The following ATP13A2 variants were observed in gnomAD, a reference collection of about 807,000 sequenced individuals.
ATP13A2 encodes the protein polyamine-transporting ATPase 13A2.
A neutral mutation model predicts 138.3 loss-of-function variants in ATP13A2; 83 were observed. The ratio of observed to expected loss-of-function variants is 0.60; its 90% confidence interval spans 0.50 to 0.72. The LOEUF (loss-of-function observed/expected upper bound fraction) is 0.72, where lower values mean the gene tolerates loss of function less well. ATP13A2 is among the 30% of genes least tolerant of loss of function. The pLI, the probability that ATP13A2 is intolerant of heterozygous loss-of-function variation, is 0.00. For synonymous variants in ATP13A2, 663 were observed against 699.0 expected (o/e 0.95, Z 0.81); for missense variants, 1,402 against 1,606.4 (o/e 0.87, Z 2.17).
In ATP13A2 at chr1:16,996,295, G is replaced by A; in HGVS notation, c.1312C>T (p.Leu438Phe). 1 of 1,614,230 alleles carries A rather than the reference G, an allele frequency of 6.2e-7. No homozygotes were observed. The highest frequency in any genetic ancestry group is 1.1e-5 in the South Asian group (1 of 91,090). Residue 438 changes from leucine to phenylalanine, a missense_variant, in exon 14 of 29, where the codon CTC becomes TTC. Coordinates refer to ENST00000326735, the MANE Select transcript of ATP13A2 (RefSeq NM_022089.4). ...ATGAAGATGCTGTAGATGGTGCCGA[G>A]GAGAGCTGTGGGGACAGCGAAGGAC... is the stretch of plus-strand genomic sequence containing the variant. ...FVAALSVLAL[L>F]GTIYSIFILY...
Position 16,995,866 on chromosome 1 carries a change from G to C in ATP13A2, c.1542+110C>G. The stretch of plus-strand genomic sequence containing the variant: ...CTCTGGGGGTTTCCATCCCTAGACA[G>C]GACCTGGCATCCTGTGGGTGCTGCT... On this transcript the variant is annotated intron_variant, in intron 15 of 28. Transcript: ENST00000326735. The surrounding 1 kb of genome is among the most constrained non-coding windows in gnomAD (Gnocchi z 4.1). The C allele has an allele frequency of 2.2e-6, 3 of 1,364,636 alleles. No homozygotes were observed. Among genetic ancestry groups the C allele is most frequent in the Non-Finnish European group, 3.1e-6 (3 of 981,950 alleles). The allele number at this position is 1,364,636 out of a possible 1,614,324, so 84.5% of individuals were successfully genotyped here. A position where few individuals can be genotyped will look rare whatever the true frequency, so the allele number is the denominator to read the frequency against.
In ATP13A2 at chr1:16,986,021, G is replaced by A. The variant is rs2076702395; in HGVS notation, c.*200C>T. On this transcript the variant is annotated 3_prime_UTR_variant, in exon 29 of 29. Transcript: ENST00000326735. The surrounding 1 kb of genome is among the most constrained non-coding windows in gnomAD (Gnocchi z 6.9). ...GCAGCACTGAGGGGAGCTGGGGGCT[G>A]CCACCCCTACGCGGGATGGTCCAAG... is the stretch of plus-strand genomic sequence containing the variant. 3 of 1,459,454 alleles carry A rather than the reference G, an allele frequency of 2.1e-6. No individual in the cohort carries two copies. The highest frequency in any genetic ancestry group is 2.7e-6 in the Non-Finnish European group (3 of 1,104,180). The allele number at this position is 1,459,454 out of a possible 1,614,324, so 90.4% of individuals were successfully genotyped here. A position where few individuals can be genotyped will look rare whatever the true frequency, so the allele number is the denominator to read the frequency against.
Position 16,990,158 on chromosome 1 carries a change from A to G in ATP13A2, c.2381T>C (p.Met794Thr), listed in dbSNP as rs151222153. ...GCCATTCACGGCTGTGGGGGACTCC[A>G]TCGGCAGGAACTCGAGAGAGGCAGG... ...GQPASLEFLP[M>T]ESPTAVNGVK... The change falls in exon 21 of 29, where the codon ATG becomes ACG. Residue 794 changes from methionine to threonine, a missense_variant. Met to Thr is a moderately conservative substitution (Grantham distance 81). Coordinates refer to ENST00000326735, the MANE Select transcript of ATP13A2 (RefSeq NM_022089.4). 34 of 1,613,980 alleles carry G rather than the reference A, an allele frequency of 2.1e-5. No homozygotes were observed. Among genetic ancestry groups the G allele is most frequent in the Middle Eastern group, 1.6e-4 (1 of 6,084 alleles).
chr1:16,995,758 T>C lies in ATP13A2; in HGVS notation c.1542+218A>G. ...ACCGCGCCCGGCCCCCCACCAGTTCTTGAACACATGAATACATGATTCTAG... is the reference window on the plus strand; with the variant it reads ...ACCGCGCCCGGCCCCCCACCAGTTCCTGAACACATGAATACATGATTCTAG... On this transcript the variant is annotated intron_variant, in intron 15 of 28. Transcript: ENST00000326735. The surrounding 1 kb of genome is among the most constrained non-coding windows in gnomAD (Gnocchi z 4.1). 1.4e-6 allele frequency: 1 copy of C among 694,960 alleles called. No homozygotes were observed. The highest frequency in any genetic ancestry group is 2.5e-6 in the Non-Finnish European group (1 of 395,760). 43.0% of individuals were successfully genotyped at this position (694,960 alleles called of 1,614,324 possible).
intron 20 of ATP13A2, 42 bp downstream of exon 20, chr1:16,991,692 G>T (rs373300993): frequency 6.2e-7 from 1 of 1,613,774 alleles, no homozygotes; most frequent in South Asian, 1.1e-5. Flanking sequence ...AGGAAGGGGC[G>T]GATTCTGCCC....
At position 17,008,297 on chromosome 1, in the gene ATP13A2, A is replaced by C. The variant is rs574960966; in HGVS notation, c.11-2519T>G. Among the ~76,000 whole-genome samples, 795 of 152,258 alleles carry C rather than the reference A, an allele frequency of 5.2e-3. 8 individuals carry two copies. The highest frequency in any genetic ancestry group is 0.018 in the African/African-American group (768 of 41,542). ...GCTGGGACTACAGGCACAGGCCACC[A>C]TGCCCAGCTAATTTTTTTTGTAGAG... On this transcript the variant is annotated intron_variant, in intron 1 of 28. Transcript: ENST00000326735.
rs769961390 is a variant in ATP13A2 at position 16,988,356 on chromosome 1, T to C, written c.2728A>G (p.Met910Val). ...ATGGGCACGCACTCAATACTGGCCA[T>C]GCTCGAGGTGAAGGGTGAGACCACT... ...ASVVSPFTSS[M>V]ASIECVPMVI... Residue 910 changes from methionine (M) to valine (V), a missense_variant, in exon 24 of 29, where the codon ATG becomes GTG. Met to Val is a conservative substitution (Grantham distance 21). Transcript: ENST00000326735. 8.1e-6 allele frequency: 13 copies of C among 1,614,008 alleles called. No homozygotes were observed. In the South Asian group the frequency reaches 1.4e-4, roughly 18 times the overall value.
chr1:17,008,956 T>TAAAAAAAA (rs2077672297), intron 1 of ATP13A2, among the ~76,000 whole-genome samples: 1 of 86,238 alleles, frequency 1.2e-5, no homozygotes, highest in African/African-American at 5.0e-5. Flanking sequence ...AGAGCAAGAC[T>TAAAAAAAA]CAAAAAAAAA....
At chr1:16,990,723 T>C (rs1244995582) in intron 20 of ATP13A2, among the ~76,000 whole-genome samples, 1 of 152,138 alleles carries the variant, frequency 6.6e-6, no homozygotes, top group Non-Finnish European at 1.5e-5. Flanking sequence ...GGTTTCACCA[T>C]GTTGGCCAGT....
Position 16,996,075 on chromosome 1 carries a change from C to G in ATP13A2, c.1443G>C (p.Thr481=). ...PALPAAMTVC[T]LYAQSRLRRQ... is the part of the protein sequence containing the mutation. ...TCCGCAGTCGGCTCTGGGCGTAGAGCGTGCACACAGTCATGGCAGCAGGCA... is the reference window on the plus strand; with the variant it reads ...TCCGCAGTCGGCTCTGGGCGTAGAGGGTGCACACAGTCATGGCAGCAGGCA... The change falls in exon 15 of 29, where the codon ACG becomes ACC. Residue 481 remains threonine (T), a synonymous_variant. Coordinates refer to ENST00000326735, the MANE Select transcript of ATP13A2 (RefSeq NM_022089.4). 2 of 1,614,090 alleles carry G rather than the reference C, an allele frequency of 1.2e-6. No individual in the cohort carries two copies. Among genetic ancestry groups the G allele is most frequent in the Non-Finnish European group, 1.7e-6 (2 of 1,180,038 alleles).
intron 16 of ATP13A2, among the ~76,000 whole-genome samples, chr1:16,992,862 G>A (rs2076984410): frequency 6.6e-6 from 1 of 152,276 alleles, no homozygotes; most frequent in Non-Finnish European, 1.5e-5. Flanking sequence ...CCAGGCCTCT[G>A]TGGCCGTGCG....
Position 16,995,652 on chromosome 1 carries a change from G to T in ATP13A2, c.1542+324C>A. The stretch of plus-strand genomic sequence containing the variant: ...TAGTAGACGGGGTTTTGCCATGTTG[G>T]TCAGGCTGGTCTTGAACTCCTGACC... On this transcript the variant is annotated intron_variant, in intron 15 of 28. Coordinates refer to ENST00000326735, the MANE Select transcript of ATP13A2 (RefSeq NM_022089.4). This position sits in a 1 kb window ranked among gnomAD's most constrained non-coding sequence, Gnocchi z 4.1. 2.4e-6 allele frequency: 1 copy of T among 409,652 alleles called. No homozygotes were observed. Among genetic ancestry groups the T allele is most frequent in the Non-Finnish European group, 4.7e-6 (1 of 214,906 alleles). The allele number at this position is 409,652 out of a possible 1,614,324, so 25.4% of individuals were successfully genotyped here. A position where few individuals can be genotyped will look rare whatever the true frequency, so the allele number is the denominator to read the frequency against.
intron 1 of ATP13A2, among the ~76,000 whole-genome samples, chr1:17,009,672 G>A (rs2077707518): frequency 6.6e-6 from 1 of 152,106 alleles, no homozygotes; most frequent in Middle Eastern, 3.4e-3. Context: ...TGGGATTACA[G>A]GTGTGAGCCA....
Position 16,995,650 on chromosome 1 carries a change from T to C in ATP13A2, c.1542+326A>G, listed in dbSNP as rs1570818533. The C allele has an allele frequency of 2.5e-6, 1 of 405,864 alleles. No homozygotes were observed. The highest frequency in any genetic ancestry group is 2.0e-5 in the African/African-American group (1 of 48,936). 25.1% of individuals were successfully genotyped at this position (405,864 alleles called of 1,614,324 possible). On this transcript the variant is annotated intron_variant, in intron 15 of 28. Transcript: ENST00000326735. This position sits in a 1 kb window ranked among gnomAD's most constrained non-coding sequence, Gnocchi z 4.1. ...TTTAGTAGACGGGGTTTTGCCATGT[T>C]GGTCAGGCTGGTCTTGAACTCCTGA...
Position 17,011,714 on chromosome 1 carries a change from G to C in ATP13A2, c.10+15C>G. ...ACCGCGCCGGGCTCGGGGCCGACCC[G>C]GACTCCGCACTCACCTGCGCTCATG... On this transcript the variant is annotated intron_variant, in intron 1 of 28. Coordinates refer to ENST00000326735, the MANE Select transcript of ATP13A2 (RefSeq NM_022089.4). This position sits in a 1 kb window ranked among gnomAD's most constrained non-coding sequence, Gnocchi z 7.3. The C allele has an allele frequency of 3.4e-6, 5 of 1,487,500 alleles. No individual in the cohort carries two copies. Among genetic ancestry groups the C allele is most frequent in the Non-Finnish European group, 4.4e-6 (5 of 1,125,530 alleles). The allele number at this position is 1,487,500 out of a possible 1,614,324, so 92.1% of individuals were successfully genotyped here.
At position 16,989,679 on chromosome 1, in the gene ATP13A2, C is replaced by G. The variant is rs1302227702; in HGVS notation, c.2609+12G>C. ...CGCAGGCCCTTGCCCACACCCTCTG[C>G]CGAGCACTCACTGAAGCTTCTGTAG... On this transcript the variant is annotated intron_variant, in intron 23 of 28. Transcript: ENST00000326735. 1 of 1,613,884 alleles carries G rather than the reference C, an allele frequency of 6.2e-7. No homozygotes were observed. The highest frequency in any genetic ancestry group is 1.1e-5 in the South Asian group (1 of 91,074).
At chr1:16,989,588 G>T in intron 23 of ATP13A2, 103 bp downstream of exon 23, 2 of 1,152,692 alleles carry the variant, frequency 1.7e-6, no homozygotes, top group Non-Finnish European at 2.6e-6. Flanking sequence ...GCTCTCTGGT[G>T]CCTGAGGAGG....
chr1:17,011,882 C>A lies in ATP13A2; in HGVS notation c.-144G>T. 3.8e-6 allele frequency: 3 copies of A among 781,798 alleles called. No individual in the cohort carries two copies. The South Asian group carries it at 1.8e-4, about 46-fold the overall frequency. The allele number at this position is 781,798 out of a possible 1,614,324, so 48.4% of individuals were successfully genotyped here. A position where few individuals can be genotyped will look rare whatever the true frequency, so the allele number is the denominator to read the frequency against. On this transcript the variant is annotated 5_prime_UTR_variant, in exon 1 of 29. Coordinates refer to ENST00000326735, the MANE Select transcript of ATP13A2 (RefSeq NM_022089.4). The surrounding 1 kb of genome is among the most constrained non-coding windows in gnomAD (Gnocchi z 7.3). ...TAGCGCGGGGCTGGAGCAGGGCTGA[C>A]GCGGGCGGGGCACCTGGGCCACCAG...
intron 6 of ATP13A2, among the ~76,000 whole-genome samples, chr1:17,003,915 G>A (rs977613748): frequency 6.6e-6 from 1 of 152,046 alleles, no homozygotes; most frequent in Admixed American, 6.6e-5. Context: ...ACCTGTCTTG[G>A]CTTCCCAAAG....
Sources: gnomAD v4.1 joint callset for allele counts (sites outside exome capture counted in the v4.1 genomes callset) on GRCh38, gnomAD v4.1.1 for gene constraint, Gnocchi (gnomAD v3.1) non-coding constraint, MANE v1.5 for transcripts, NCBI Gene and HGNC (gene_info 2026-07-23, HGNC 2026-07-21) for gene names.